DCC: variants seen among roughly 807,000 people sequenced by gnomAD.
The protein encoded by DCC is DCC netrin 1 receptor, also known as netrin receptor DCC.
Under a neutral mutation model 172.5 loss-of-function variants are expected in DCC, and 58 were observed. The observed-to-expected ratio is 0.34, with a 90% confidence interval of 0.27 to 0.42. The LOEUF is 0.42. Ranked by LOEUF, DCC falls within the 10% of genes least tolerant of loss-of-function variation. The pLI, the probability that DCC is intolerant of heterozygous loss-of-function variation, is 1.00. For missense variants in DCC, 1,740 were observed against 1,791.0 expected (o/e 0.97, Z 0.51); for synonymous variants, 709 against 644.5 (o/e 1.10, Z -1.52).
At chr18:53,220,353 A>G (rs2055913604) in intron 12 of DCC, among the ~76,000 whole-genome samples, 1 of 152,068 alleles carries the variant, frequency 6.6e-6, no homozygotes, top group Non-Finnish European at 1.5e-5. Flanking sequence ...TGCTTTCACC[A>G]TTCTTCTAGT....
chr18:53,174,848 C>A (rs578187903), intron 8 of DCC, among the ~76,000 whole-genome samples: 91 of 152,126 alleles, frequency 6.0e-4, no homozygotes, highest in African/African-American at 2.0e-3. Context: ...CATTCTGATA[C>A]CAAAGCCAGG....
chr18:53,103,784 T>C (rs2043206597), intron 7 of DCC, among the ~76,000 whole-genome samples: 1 of 152,060 alleles, frequency 6.6e-6, no homozygotes, highest in Non-Finnish European at 1.5e-5. Flanking sequence ...TGGATTCTTC[T>C]GCCACAGTTT....
chr18:53,416,379 C>T, intron 21 of DCC: 3 of 683,374 alleles, frequency 4.4e-6, no homozygotes, highest in Non-Finnish European at 8.1e-6. Context: ...TGTCTCCATT[C>T]TGAAGGACCA....
intron 1 of DCC, among the ~76,000 whole-genome samples, chr18:52,498,748 G>T (rs1053702762): frequency 6.6e-6 from 1 of 152,042 alleles, no homozygotes; most frequent in African/African-American, 2.4e-5. Context: ...TCTTTTCCTG[G>T]CTTGAAAAGG....
At position 52,550,052 on chromosome 18, in the gene DCC, G is replaced by A. The variant is rs540494107; in HGVS notation, c.92-202002G>A. 6.4e-4 allele frequency among the ~76,000 whole-genome samples: 97 copies of A among 151,966 alleles called. 1 individual carries two copies. Among genetic ancestry groups the A allele is most frequent in the Non-Finnish European group, 1.3e-3 (87 of 67,928 alleles). ...TCACCTTAGCCAAGTGTTCAAGGTG[G>A]ATATCAACAGCAATAGGTCATGTTG... On this transcript the variant is annotated intron_variant, in intron 1 of 28. Coordinates refer to ENST00000442544, the MANE Select transcript of DCC (RefSeq NM_005215.4).
chr18:53,509,079 G>A (rs1252966546), intron 27 of DCC, among the ~76,000 whole-genome samples: 2 of 152,308 alleles, frequency 1.3e-5, no homozygotes, highest in African/African-American at 2.4e-5. Context: ...TGTGATTAAA[G>A]CTTCTGGAGT....
At chr18:52,769,223 C>G (rs1170187673) in intron 2 of DCC, among the ~76,000 whole-genome samples, 2 of 152,202 alleles carry the variant, frequency 1.3e-5, no homozygotes, top group Admixed American at 6.5e-5. Context: ...TGTTGCTCCA[C>G]ATAACCTTCA....
intron 1 of DCC, among the ~76,000 whole-genome samples, chr18:52,700,032 C>T (rs1038977835): frequency 3.5e-5 from 5 of 142,996 alleles, no homozygotes; most frequent in Non-Finnish European, 6.1e-5. Context: ...CTCTTCCTTT[C>T]AGTGATCTGT....
chr18:52,765,650 C>T (rs375107487), intron 2 of DCC, among the ~76,000 whole-genome samples: 31 of 152,232 alleles, frequency 2.0e-4, no homozygotes, highest in African/African-American at 5.3e-4. Flanking sequence ...TAGACAAACA[C>T]GCCTCCTTCC....
intron 1 of DCC, among the ~76,000 whole-genome samples, chr18:52,554,899 A>G (rs767404924): frequency 3.9e-5 from 6 of 152,028 alleles, no homozygotes; most frequent in Non-Finnish European, 7.4e-5. Context: ...GAAGAAAAGG[A>G]ATTAATTAAT....
chr18:52,957,646 G>C (rs540691298), intron 5 of DCC, among the ~76,000 whole-genome samples: 1 of 152,230 alleles, frequency 6.6e-6, no homozygotes, highest in Non-Finnish European at 1.5e-5. Flanking sequence ...ACAGAGGAAG[G>C]CTCTCTCACT....
At chr18:52,857,390 A>C (rs941785386) in intron 2 of DCC, among the ~76,000 whole-genome samples, 1 of 152,164 alleles carries the variant, frequency 6.6e-6, no homozygotes, top group Non-Finnish European at 1.5e-5. Flanking sequence ...GGTCCACTTA[A>C]CTAGGGAAAA....
chr18:52,716,764 A>C (rs1285329330), intron 1 of DCC, among the ~76,000 whole-genome samples: 1 of 152,164 alleles, frequency 6.6e-6, no homozygotes, highest in East Asian at 1.9e-4. Context: ...AGTCCTCCTT[A>C]TTTATGCATA....
chr18:53,253,216 C>A (rs1207565642), intron 12 of DCC, among the ~76,000 whole-genome samples: 1 of 151,834 alleles, frequency 6.6e-6, no homozygotes, highest in Non-Finnish European at 1.5e-5. Flanking sequence ...TTATATATTT[C>A]TTTGTGTTGT....
intron 12 of DCC, among the ~76,000 whole-genome samples, chr18:53,248,389 G>T (rs1369876992): frequency 2.0e-5 from 3 of 151,966 alleles, no homozygotes; most frequent in Admixed American, 6.6e-5. Context: ...ATTACTAGAG[G>T]GTCCTAGGAA....
intron 1 of DCC, among the ~76,000 whole-genome samples, chr18:52,371,169 C>G (rs1446846885): frequency 1.3e-5 from 2 of 151,706 alleles, no homozygotes; most frequent in Non-Finnish European, 2.9e-5. Context: ...AAAAAAAAAT[C>G]ATACTAGTCT....
intron 1 of DCC, among the ~76,000 whole-genome samples, chr18:52,690,675 A>G (rs1004394828): frequency 2.6e-5 from 4 of 152,188 alleles, no homozygotes; most frequent in Non-Finnish European, 4.4e-5. Context: ...AGGTTCAGAG[A>G]GACCAAGTGG....
At chr18:52,715,515 G>A (rs1329842429) in intron 1 of DCC, among the ~76,000 whole-genome samples, 2 of 152,008 alleles carry the variant, frequency 1.3e-5, no homozygotes, top group Non-Finnish European at 2.9e-5. Context: ...ATGTTGGCCA[G>A]GCTGGTCTCA....
chr18:52,696,086 A>G (rs1325782454), intron 1 of DCC, among the ~76,000 whole-genome samples: 1 of 152,254 alleles, frequency 6.6e-6, no homozygotes, highest in Non-Finnish European at 1.5e-5. Context: ...GAAAAAAGCT[A>G]TTTCATAAGT....
Sources: allele counts gnomAD v4.1 joint callset (sites outside exome capture counted in the v4.1 genomes callset), GRCh38; gene constraint gnomAD v4.1.1; transcripts MANE v1.5; gene names NCBI Gene and HGNC (gene_info 2026-07-23, HGNC 2026-07-21).